Variants in STX6 observed in about 807,000 individuals in gnomAD.
STX6 encodes syntaxin 6, also known as syntaxin-6.
In STX6, 23 loss-of-function variants were observed where a neutral mutation model predicts 38.0. That is an observed-to-expected ratio of 0.60 (90% confidence interval 0.43 to 0.86). The LOEUF is 0.86. STX6 is among the 40% of genes least tolerant of loss of function. The pLI is 0.00. For synonymous variants in STX6, 123 were observed against 107.5 expected, an observed-to-expected ratio of 1.14 and a Z score of -0.89; for missense variants, 274 against 312.9, an observed-to-expected ratio of 0.88 and a Z score of 0.94.
chr1:180,989,218 G>A lies in STX6; in HGVS notation c.489+766C>T, dbSNP rs570449439. On this transcript the variant is annotated intron_variant, in intron 5 of 7. Coordinates refer to ENST00000258301, the MANE Select transcript of STX6 (RefSeq NM_005819.6). ...AACAAAACCAACCAATAGGCCGGGC[G>A]CGGTGGCTCATGCCTGTAATCCTAG... 6.6e-5 allele frequency: 10 copies of A among 152,278 alleles called. 1 individual carries two copies. In the South Asian group the frequency reaches 8.3e-4, roughly 13 times the overall value. 9.4% of individuals were successfully genotyped at this position (152,278 alleles called of 1,614,324 possible). A position where few individuals can be genotyped will look rare whatever the true frequency, so the allele number is the denominator to read the frequency against.
intron 7 of STX6, among the ~76,000 whole-genome samples, chr1:180,979,963 T>G (rs1655354604): frequency 6.6e-6 from 1 of 152,168 alleles, no homozygotes; most frequent in South Asian, 2.1e-4. Context: ...TCTCAGCACT[T>G]TGAGAAGCCA....
Position 180,988,178 on chromosome 1 carries a change from T to C in STX6, c.596+61A>G, listed in dbSNP as rs191248022. ...ACGTAGCTGCCAGGCTTTTTAGGGG[T>C]GTCATAGGATGGCTCTGCCCCTCAA... On this transcript the variant is annotated intron_variant, in intron 6 of 7. Transcript: ENST00000258301. The C allele has an allele frequency of 2.4e-4, 288 of 1,183,870 alleles. 3 individuals carry two copies. In the East Asian group the frequency reaches 5.9e-3, roughly 24 times the overall value. The allele number at this position is 1,183,870 out of a possible 1,614,324, so 73.3% of individuals were successfully genotyped here.
At chr1:180,988,035 C>T (rs1343956569) in intron 6 of STX6, 1 of 438,018 alleles carries the variant, frequency 2.3e-6, no homozygotes, top group Non-Finnish European at 4.1e-6. Context: ...ATAATAACAA[C>T]TTCACCTAAA....
rs112818846 is a variant in STX6, at chr1:181,022,728, C to A, written c.-55G>T. On this transcript the variant is annotated 5_prime_UTR_variant, in exon 1 of 8. Coordinates refer to ENST00000258301, the MANE Select transcript of STX6 (RefSeq NM_005819.6). ...CTCCGCGCACAGGGCGCCCGTGCCT[C>A]CCGGTCTCCCTCCGCCCACCCCGCC... is the stretch of plus-strand genomic sequence containing the variant. 664 of 1,548,692 alleles carry A rather than the reference C, an allele frequency of 4.3e-4. 3 individuals carry two copies. Among genetic ancestry groups the A allele is most frequent in the African/African-American group, 3.8e-3 (280 of 73,282 alleles).
At position 181,022,748 on chromosome 1, in the gene STX6, C is replaced by A. The variant is rs1033471258; in HGVS notation, c.-75G>T. Reference sequence around the variant, plus strand: ...TGCCTCCCGGTCTCCCTCCGCCCACCCCGCCTGTTCCCGCAGCTGCCCGCG... The same window carrying A: ...TGCCTCCCGGTCTCCCTCCGCCCACACCGCCTGTTCCCGCAGCTGCCCGCG... On this transcript the variant is annotated 5_prime_UTR_variant, in exon 1 of 8. Coordinates refer to ENST00000258301, the MANE Select transcript of STX6 (RefSeq NM_005819.6). The A allele has an allele frequency of 9.1e-6, 13 of 1,432,388 alleles. No homozygotes were observed. In the Admixed American group the frequency reaches 2.5e-4, roughly 28 times the overall value. The allele number at this position is 1,432,388 out of a possible 1,614,324, so 88.7% of individuals were successfully genotyped here.
rs2102297050 is a variant in STX6 at position 180,976,407 on chromosome 1, G to T, written c.*163C>A. On this transcript the variant is annotated 3_prime_UTR_variant, in exon 8 of 8. Coordinates refer to ENST00000258301, the MANE Select transcript of STX6 (RefSeq NM_005819.6). The stretch of plus-strand genomic sequence containing the variant: ...TTCCCACTGGCCCTTCCAGCGCTGG[G>T]ATGGAGGAGCCATGTCAATTGTGGG... 1.5e-6 allele frequency: 1 copy of T among 662,648 alleles called. No individual in the cohort carries two copies. Among genetic ancestry groups the T allele is most frequent in the East Asian group, 2.7e-5 (1 of 37,370 alleles). 41.0% of individuals were successfully genotyped at this position (662,648 alleles called of 1,614,324 possible).
At chr1:180,991,346 G>C (rs1400868275) in intron 4 of STX6, among the ~76,000 whole-genome samples, 2 of 152,124 alleles carry the variant, frequency 1.3e-5, no homozygotes, top group East Asian at 3.8e-4. Flanking sequence ...CCCTGACCTG[G>C]TCTTAGGGCT....
At chr1:181,019,711 T>C (rs1656671379) in intron 1 of STX6, among the ~76,000 whole-genome samples, 2 of 152,306 alleles carry the variant, frequency 1.3e-5, no homozygotes, top group African/African-American at 2.4e-5. Context: ...TCTAGGACTC[T>C]AGAAAAGCTT....
At position 181,022,811 on chromosome 1, in the gene STX6, C is replaced by G. The variant is rs148314585; in HGVS notation, c.-138G>C. 3.4e-4 allele frequency: 275 copies of G among 817,520 alleles called. No individual in the cohort carries two copies. The African/African-American group carries it at 3.8e-3, about 11-fold the overall frequency. The allele number at this position is 817,520 out of a possible 1,614,324, so 50.6% of individuals were successfully genotyped here. On this transcript the variant is annotated 5_prime_UTR_variant, in exon 1 of 8. Transcript: ENST00000258301. ...TGAAGCCGAGCAGCGGGCACGCGCA[C>G]AGGCCAGGTGCACAGGACGGCCGCT...
At chr1:180,998,358 C>T (rs538732537) in intron 3 of STX6, among the ~76,000 whole-genome samples, 2 of 152,082 alleles carry the variant, frequency 1.3e-5, no homozygotes, top group Non-Finnish European at 2.9e-5. Context: ...GGGTAAGGAT[C>T]TAAGGATCTA....
At chr1:180,979,154 A>G (rs1655335101) in intron 7 of STX6, among the ~76,000 whole-genome samples, 4 of 152,244 alleles carry the variant, frequency 2.6e-5, no homozygotes, top group Admixed American at 2.6e-4. Context: ...CAAATGAAGA[A>G]TGCCCCTAAT....
chr1:181,019,439 G>C (rs1656663124), intron 1 of STX6, among the ~76,000 whole-genome samples: 1 of 152,130 alleles, frequency 6.6e-6, no homozygotes, highest in Non-Finnish European at 1.5e-5. Context: ...AATAATTAGG[G>C]GTGACAAAGG....
chr1:180,995,904 G>A (rs1198793990), intron 3 of STX6, among the ~76,000 whole-genome samples: 3 of 152,258 alleles, frequency 2.0e-5, no homozygotes, highest in East Asian at 3.9e-4. Context: ...GGCACCTTCT[G>A]GGGGTGCTGG....
At chr1:180,988,614 A>C in intron 5 of STX6, 1 of 343,434 alleles carries the variant, frequency 2.9e-6, no homozygotes, top group Non-Finnish European at 5.6e-6. Context: ...TGGTTGGCTG[A>C]CGTCCAATAA....
chr1:181,008,792 T>C (rs981054215), intron 1 of STX6, among the ~76,000 whole-genome samples: 1 of 150,842 alleles, frequency 6.6e-6, no homozygotes, highest in Admixed American at 6.6e-5. Context: ...AATACTGTCA[T>C]TTATTTTCCA....
rs1285571372 is a variant in STX6 at position 180,974,433 on chromosome 1, G to A, written c.*2137C>T. 6.6e-6 allele frequency: 1 copy of A among 152,640 alleles called. No individual in the cohort carries two copies. The highest frequency in any genetic ancestry group is 6.5e-5 in the Admixed American group (1 of 15,278). The allele number at this position is 152,640 out of a possible 1,614,324, so 9.5% of individuals were successfully genotyped here. ...TATCCAAACATCATTAAGCCTCTGG[G>A]TCATAAAACTTGGTCCCTGAACTAA... On this transcript the variant is annotated 3_prime_UTR_variant, in exon 8 of 8. Coordinates refer to ENST00000258301, the MANE Select transcript of STX6 (RefSeq NM_005819.6).
intron 1 of STX6, 104 bp downstream of exon 1, chr1:181,022,535 A>G (rs1656769289): frequency 6.8e-6 from 8 of 1,170,912 alleles, no homozygotes; most frequent in Non-Finnish European, 9.9e-6. Context: ...CCCCCTCCCC[A>G]GCTCCAACTT....
intron 2 of STX6, among the ~76,000 whole-genome samples, chr1:181,003,862 T>C (rs1656151656): frequency 6.6e-6 from 1 of 152,244 alleles, no homozygotes; most frequent in South Asian, 2.1e-4. Context: ...ATCAATACCA[T>C]GAATTAGCAG....
At chr1:180,986,161 C>A (rs1655577345) in intron 6 of STX6, among the ~76,000 whole-genome samples, 3 of 152,198 alleles carry the variant, frequency 2.0e-5, no homozygotes, top group Admixed American at 2.0e-4. Context: ...GACCTTCAGT[C>A]CATGGACACT....
Sources: gnomAD v4.1 joint callset for allele counts (sites outside exome capture counted in the v4.1 genomes callset) on GRCh38, gnomAD v4.1.1 for gene constraint, MANE v1.5 for transcripts, NCBI Gene and HGNC (gene_info 2026-07-23, HGNC 2026-07-21) for gene names.